The following MCF2L2 variants were observed in gnomAD, a reference collection of about 807,000 sequenced individuals.
MCF2L2 encodes the protein MCF.2 cell line derived transforming sequence-like 2.
In MCF2L2, 102 loss-of-function variants were observed where a neutral mutation model predicts 150.2. The ratio of observed to expected loss-of-function variants is 0.68; its 90% CI spans 0.58 to 0.80. The LOEUF (loss-of-function observed/expected upper bound fraction) is 0.80. Ranked by LOEUF, MCF2L2 falls within the 30% of genes least tolerant of loss-of-function variation. The probability of loss-of-function intolerance (pLI) is 0.00; values close to 1 mark genes in which losing one functional copy is unlikely to be tolerated. For missense variants in MCF2L2, 1,256 were observed against 1,372.8 expected (o/e 0.91, Z 1.34); for synonymous variants, 465 against 491.3 (o/e 0.95, Z 0.71).
chr3:183,184,642 T>G (rs1385606393), intron 27 of MCF2L2, among the ~76,000 whole-genome samples: 2 of 152,222 alleles, frequency 1.3e-5, no homozygotes, highest in Non-Finnish European at 2.9e-5. Context: ...ATTCTAAGCT[T>G]TTTTATTTTG....
At chr3:183,239,461 T>TAA (rs11377299) in intron 15 of MCF2L2, among the ~76,000 whole-genome samples, 2,138 of 146,482 alleles carry the variant, frequency 0.015, 52 homozygotes, top group African/African-American at 0.047. Context: ...AGGAATATGC[T>TAA]AAAAAAAAAA....
chr3:183,363,568 A>T (rs1244638714), intron 3 of MCF2L2, among the ~76,000 whole-genome samples: 2 of 132,750 alleles, frequency 1.5e-5, no homozygotes, highest in Non-Finnish European at 3.3e-5. Flanking sequence ...ACATAGGGAG[A>T]CCCCAACTCT....
intron 15 of MCF2L2, chr3:183,269,490 T>C: frequency 7.1e-6 from 2 of 281,226 alleles, no homozygotes; most frequent in Non-Finnish European, 1.3e-5. Flanking sequence ...TCTTCTTGAC[T>C]GTGATAGGTG....
intron 18 of MCF2L2, chr3:183,228,014 T>C: frequency 3.0e-5 from 1 of 33,100 alleles, no homozygotes; most frequent in Admixed American, 6.7e-4. Context: ...TTTTGGATTA[T>C]ATATATATAC....
intron 1 of MCF2L2, among the ~76,000 whole-genome samples, chr3:183,424,057 C>T (rs1213378105): frequency 6.6e-6 from 1 of 152,110 alleles, no homozygotes; most frequent in African/African-American, 2.4e-5. Flanking sequence ...GACAGCACAC[C>T]TCCACATATA....
At chr3:183,296,715 GCACT>G (rs1728524651) in intron 12 of MCF2L2, 1 of 373,742 alleles carries the variant, frequency 2.7e-6, no homozygotes, top group Non-Finnish European at 4.9e-6. Context: ...GGTATCCTCA[GCACT>G]CAGCACAGCA....
At chr3:183,187,901 C>T (rs1214733089) in intron 27 of MCF2L2, among the ~76,000 whole-genome samples, 1 of 152,182 alleles carries the variant, frequency 6.6e-6, no homozygotes, top group Non-Finnish European at 1.5e-5. Flanking sequence ...CCAGCTGGCA[C>T]GTGGAATCCT....
chr3:183,262,511 A>G (rs1725705346), intron 15 of MCF2L2, among the ~76,000 whole-genome samples: 1 of 151,832 alleles, frequency 6.6e-6, no homozygotes, highest in African/African-American at 2.4e-5. Context: ...AGTTTTTGGT[A>G]CCCCCTTAAA....
intron 4 of MCF2L2, among the ~76,000 whole-genome samples, 186 bp downstream of exon 4, chr3:183,341,354 A>G (rs760519131): frequency 1.3e-5 from 2 of 152,248 alleles, no homozygotes; most frequent in Non-Finnish European, 2.9e-5. Flanking sequence ...TGACATGCTC[A>G]GAATTGTTTG....
At chr3:183,296,551 G>A (rs116409486) in intron 12 of MCF2L2, 166 of 161,272 alleles carry the variant, frequency 1.0e-3, no homozygotes, top group African/African-American at 3.4e-3. Context: ...TCCAGGTCAA[G>A]TTCCTCTGTC....
intron 3 of MCF2L2, chr3:183,375,864 C>T (rs537057011): frequency 3.9e-5 from 6 of 152,170 alleles, no homozygotes; most frequent in African/African-American, 1.4e-4. Context: ...TTGTGATAAA[C>T]AGGAGTCATA....
intron 17 of MCF2L2, 141 bp downstream of exon 17, chr3:183,229,525 C>A: frequency 2.1e-6 from 1 of 478,482 alleles, no homozygotes; most frequent in Non-Finnish European, 3.7e-6. Context: ...CACTCCAACC[C>A]ACCCCAATCC....
intron 15 of MCF2L2, among the ~76,000 whole-genome samples, chr3:183,245,612 G>A (rs1011589504): frequency 1.3e-5 from 2 of 151,972 alleles, no homozygotes; most frequent in East Asian, 1.9e-4. Context: ...CTGAGGGCTC[G>A]GTCTCAATAC....
intron 7 of MCF2L2, among the ~76,000 whole-genome samples, chr3:183,317,562 C>T (rs1280564006): frequency 6.6e-6 from 1 of 152,074 alleles, no homozygotes; most frequent in Non-Finnish European, 1.5e-5. Flanking sequence ...CAAATTCATC[C>T]CCAAATAAAA....
At chr3:183,312,095 A>G (rs566553155) in intron 7 of MCF2L2, among the ~76,000 whole-genome samples, 1 of 152,360 alleles carries the variant, frequency 6.6e-6, no homozygotes, top group South Asian at 2.1e-4. Context: ...TTAATCCAAG[A>G]TAGTGACCAG....
chr3:183,264,450 A>C (rs1041164191), intron 15 of MCF2L2, among the ~76,000 whole-genome samples: 2 of 152,244 alleles, frequency 1.3e-5, no homozygotes, highest in African/African-American at 4.8e-5. Flanking sequence ...TCATGTGGGA[A>C]CTACGAGTCT....
chr3:183,387,389 AGT>A (rs1291277837), intron 2 of MCF2L2, among the ~76,000 whole-genome samples: 23 of 152,110 alleles, frequency 1.5e-4, no homozygotes, highest in African/African-American at 5.6e-4. Flanking sequence ...TTCTGCGCCC[AGT>A]GTGTGTTTCC....
At chr3:183,334,557 G>A (rs1233649394) in intron 5 of MCF2L2, among the ~76,000 whole-genome samples, 1 of 151,950 alleles carries the variant, frequency 6.6e-6, no homozygotes, top group Non-Finnish European at 1.5e-5. Flanking sequence ...GGAGGCTGAG[G>A]TGGGTGGATC....
intron 6 of MCF2L2, among the ~76,000 whole-genome samples, chr3:183,320,698 T>G (rs1380055670): frequency 1.3e-5 from 2 of 152,254 alleles, no homozygotes; most frequent in Admixed American, 1.3e-4. Flanking sequence ...AAGGCTATTT[T>G]GCTTTCTTAT....
Sources: gnomAD v4.1 joint callset for allele counts (sites outside exome capture counted in the v4.1 genomes callset) on GRCh38, gnomAD v4.1.1 for gene constraint, MANE v1.5 for transcripts, NCBI Gene and HGNC (gene_info 2026-07-23, HGNC 2026-07-21) for gene names.